The following TBC1D5 variants were observed in gnomAD, a reference collection of about 807,000 sequenced individuals.
TBC1D5 encodes the protein TBC1 domain family, member 5.
Under a neutral mutation model 100.3 loss-of-function variants are expected in TBC1D5, and 75 were observed. That is an observed-to-expected ratio of 0.75 (90% CI 0.62 to 0.91). TBC1D5 has a LOEUF of 0.91. Ranked by LOEUF, TBC1D5 falls within the 40% of genes least tolerant of loss-of-function variation. TBC1D5 has a pLI of 0.00. For synonymous variants in TBC1D5, 323 were observed against 325.6 expected, an observed-to-expected ratio of 0.99 and a Z score of 0.09; for missense variants, 910 against 942.4, an observed-to-expected ratio of 0.97 and a Z score of 0.45.
At chr3:17,209,228 A>C (rs1263453807) in intron 18 of TBC1D5, among the ~76,000 whole-genome samples, 1 of 152,236 alleles carries the variant, frequency 6.6e-6, no homozygotes, top group African/African-American at 2.4e-5. Context: ...GCTCACGCAG[A>C]CTTGATCTCC....
intron 4 of TBC1D5, 37 bp downstream of exon 4, chr3:17,428,407 GTGTGTA>G (rs774364405): frequency 5.5e-4 from 274 of 496,252 alleles, no homozygotes; most frequent in African/African-American, 3.0e-3. Context: ...GTGTGTGTGT[GTGTGTA>G]TATATATATA....
chr3:17,692,140 T>G (rs1560478405), intron 1 of TBC1D5, among the ~76,000 whole-genome samples: 4 of 152,230 alleles, frequency 2.6e-5, no homozygotes, highest in African/African-American at 4.8e-5. Flanking sequence ...TCACGCAGGC[T>G]GAAGTGCAGT....
intron 1 of TBC1D5, among the ~76,000 whole-genome samples, chr3:17,690,201 C>CTTTTTTT (rs1560473193): frequency 1.3e-5 from 1 of 75,720 alleles, no homozygotes; most frequent in African/African-American, 4.5e-5. Flanking sequence ...TAAAAATAGC[C>CTTTTTTT]ATATTTTTTT....
intron 17 of TBC1D5, among the ~76,000 whole-genome samples, chr3:17,219,410 T>A (rs978995566): frequency 2.0e-5 from 3 of 151,874 alleles, no homozygotes; most frequent in African/African-American, 7.2e-5. Flanking sequence ...AAGTTTAATG[T>A]CCAGGCTTCC....
chr3:17,284,511 T>A (rs76579961), intron 15 of TBC1D5, among the ~76,000 whole-genome samples: 2 of 152,210 alleles, frequency 1.3e-5, no homozygotes, highest in Non-Finnish European at 2.9e-5. Flanking sequence ...GTATTTTTTT[T>A]ATATACCATT....
chr3:17,565,515 T>C (rs920551860), intron 2 of TBC1D5, among the ~76,000 whole-genome samples: 3 of 152,134 alleles, frequency 2.0e-5, no homozygotes, highest in Admixed American at 6.5e-5. Flanking sequence ...CAAAGTGATA[T>C]GCCAGGAGCT....
chr3:17,351,815 A>G (rs2090617790), intron 13 of TBC1D5, among the ~76,000 whole-genome samples: 2 of 108,520 alleles, frequency 1.8e-5, no homozygotes, highest in South Asian at 5.1e-4. Context: ...AAAGAAAGGA[A>G]AAAAAAAAAA....
At chr3:17,677,179 G>T (rs1199639762) in intron 1 of TBC1D5, among the ~76,000 whole-genome samples, 1 of 152,154 alleles carries the variant, frequency 6.6e-6, no homozygotes, top group Non-Finnish European at 1.5e-5. Flanking sequence ...AAGAGCTTCT[G>T]CACAGCAAAA....
intron 14 of TBC1D5, among the ~76,000 whole-genome samples, chr3:17,307,365 T>G (rs1423552622): frequency 1.3e-5 from 2 of 152,212 alleles, no homozygotes; most frequent in Non-Finnish European, 2.9e-5. Context: ...TTTTGAAATT[T>G]AAAATACACA....
intron 19 of TBC1D5, among the ~76,000 whole-genome samples, chr3:17,173,007 A>G (rs1010640662): frequency 6.6e-6 from 1 of 152,136 alleles, no homozygotes; most frequent in African/African-American, 2.4e-5. Flanking sequence ...CTGTGAAGAA[A>G]CAGGGAGACA....
chr3:17,320,178 T>G (rs2085222849), intron 13 of TBC1D5, among the ~76,000 whole-genome samples: 1 of 152,188 alleles, frequency 6.6e-6, no homozygotes, highest in Non-Finnish European at 1.5e-5. Flanking sequence ...TTAGTTTAAT[T>G]TAGGATCTTT....
intron 1 of TBC1D5, among the ~76,000 whole-genome samples, chr3:17,700,869 T>C (rs996057425): frequency 2.0e-5 from 3 of 152,136 alleles, no homozygotes; most frequent in African/African-American, 7.2e-5. Context: ...GGAACACTTT[T>C]ACACTGTTGG....
intron 1 of TBC1D5, among the ~76,000 whole-genome samples, chr3:17,700,855 A>C (rs1296126876): frequency 7.2e-5 from 11 of 152,170 alleles, no homozygotes; most frequent in African/African-American, 2.4e-4. Context: ...GATGTGGAGA[A>C]ATAGGAACAC....
At chr3:17,376,053 C>T (rs1410544290) in intron 10 of TBC1D5, among the ~76,000 whole-genome samples, 1 of 152,084 alleles carries the variant, frequency 6.6e-6, no homozygotes, top group African/African-American at 2.4e-5. Flanking sequence ...ATGAATATAT[C>T]TAAAAAATTT....
At chr3:17,533,053 T>TCACA (rs149435699) in intron 2 of TBC1D5, among the ~76,000 whole-genome samples, 1 of 139,978 alleles carries the variant, frequency 7.1e-6, no homozygotes, top group African/African-American at 2.8e-5. Context: ...TGAGATCCTG[T>TCACA]CACACACACA....
chr3:17,248,019 T>C (rs1260435527), intron 16 of TBC1D5, among the ~76,000 whole-genome samples: 1 of 150,302 alleles, frequency 6.7e-6, no homozygotes, highest in Non-Finnish European at 1.5e-5. Context: ...CTAAACAGAG[T>C]CTCGCTCTGT....
intron 8 of TBC1D5, among the ~76,000 whole-genome samples, chr3:17,384,793 G>A (rs1415648920): frequency 6.6e-6 from 1 of 152,062 alleles, no homozygotes; most frequent in Non-Finnish European, 1.5e-5. Flanking sequence ...ACAATTCCAT[G>A]AAATACTGCC....
At chr3:17,628,080 C>T (rs1275535475) in intron 1 of TBC1D5, among the ~76,000 whole-genome samples, 1 of 151,962 alleles carries the variant, frequency 6.6e-6, no homozygotes, top group African/African-American at 2.4e-5. Context: ...TAAAAATACA[C>T]ACACTCCGCC....
intron 1 of TBC1D5, among the ~76,000 whole-genome samples, chr3:17,658,916 C>T (rs1236493032): frequency 6.6e-6 from 1 of 152,160 alleles, no homozygotes; most frequent in Non-Finnish European, 1.5e-5. Flanking sequence ...CCTCGGCCTC[C>T]CAAACTGCTG....
Sources: gnomAD v4.1 joint callset for allele counts (sites outside exome capture counted in the v4.1 genomes callset) on GRCh38, gnomAD v4.1.1 for gene constraint, MANE v1.5 for transcripts, NCBI Gene and HGNC (gene_info 2026-07-23, HGNC 2026-07-21) for gene names.